Variants in HS3ST2 observed in about 807,000 individuals in gnomAD.
The protein encoded by HS3ST2 is heparan sulfate-glucosamine 3-sulfotransferase 2.
A neutral mutation model predicts 26.3 loss-of-function variants in HS3ST2; 17 were observed. The ratio of observed to expected loss-of-function variants is 0.65; its 90% CI spans 0.44 to 0.97. The LOEUF (loss-of-function observed/expected upper bound fraction) is 0.97, where lower values mean the gene tolerates loss of function less well. Among genes scored for constraint, HS3ST2 ranks in the 50% least tolerant of loss-of-function variants. The probability of loss-of-function intolerance (pLI) is 0.00; values close to 1 mark genes in which losing one functional copy is unlikely to be tolerated. For synonymous variants in HS3ST2, 237 were observed against 219.2 expected (o/e 1.08, Z -0.72); for missense variants, 402 against 501.2 (o/e 0.80, Z 1.89).
chr16:22,908,771 A>G (rs182410132), intron 1 of HS3ST2, among the ~76,000 whole-genome samples: 61 of 152,312 alleles, frequency 4.0e-4, no homozygotes, highest in Admixed American at 3.9e-3. Flanking sequence ...TGACCCAATC[A>G]CATCTTAAAG....
At chr16:22,827,259 G>A (rs751710547) in intron 1 of HS3ST2, among the ~76,000 whole-genome samples, 1 of 152,180 alleles carries the variant, frequency 6.6e-6, no homozygotes, top group African/African-American at 2.4e-5. Context: ...CACAAGGGAT[G>A]GGAAATAAAC....
intron 1 of HS3ST2, among the ~76,000 whole-genome samples, chr16:22,887,625 T>C (rs535089708): frequency 1.3e-5 from 2 of 152,204 alleles, no homozygotes; most frequent in East Asian, 1.9e-4. Flanking sequence ...GCAGACACGA[T>C]TGGTGCTTGG....
At chr16:22,841,980 A>G (rs1437054796) in intron 1 of HS3ST2, among the ~76,000 whole-genome samples, 2 of 151,468 alleles carry the variant, frequency 1.3e-5, no homozygotes, top group Non-Finnish European at 2.9e-5. Flanking sequence ...CTGAATCTAG[A>G]CAATCTGTCT....
At chr16:22,824,404 G>A (rs777572139) in intron 1 of HS3ST2, among the ~76,000 whole-genome samples, 4 of 151,960 alleles carry the variant, frequency 2.6e-5, no homozygotes, top group South Asian at 2.1e-4. Context: ...AAAATTAGCC[G>A]GGCGTGGTGG....
chr16:22,845,250 A>G (rs1285431631), intron 1 of HS3ST2, among the ~76,000 whole-genome samples: 2 of 148,344 alleles, frequency 1.3e-5, no homozygotes, highest in South Asian at 2.1e-4. Flanking sequence ...TTCATCCACT[A>G]AGGCTCTGTA....
chr16:22,817,117 A>G (rs1297724184), intron 1 of HS3ST2, among the ~76,000 whole-genome samples: 2 of 151,876 alleles, frequency 1.3e-5, no homozygotes, highest in Non-Finnish European at 2.9e-5. Context: ...TTTTTTATTT[A>G]TTTATTTTTT....
At chr16:22,837,566 CATAT>C (rs555444161) in intron 1 of HS3ST2, among the ~76,000 whole-genome samples, 5,861 of 133,978 alleles carry the variant, frequency 0.044, 407 homozygotes, top group African/African-American at 0.15. Context: ...TATATATATA[CATAT>C]ATATATATAC....
intron 1 of HS3ST2, among the ~76,000 whole-genome samples, chr16:22,892,100 C>G (rs570684521): frequency 1.2e-4 from 17 of 145,532 alleles, no homozygotes; most frequent in Non-Finnish European, 2.3e-4. Context: ...CGGTGAAACC[C>G]CATCTCTACT....
chr16:22,814,544 G>A lies in HS3ST2; in HGVS notation c.-67G>A. 3 of 1,433,542 alleles carry A rather than the reference G, an allele frequency of 2.1e-6. No individual in the cohort carries two copies. The highest frequency in any genetic ancestry group is 3.0e-5 in the African/African-American group (2 of 66,568). The allele number at this position is 1,433,542 out of a possible 1,614,324, so 88.8% of individuals were successfully genotyped here. A position where few individuals can be genotyped will look rare whatever the true frequency, so the allele number is the denominator to read the frequency against. ...ACGCGAGCCCTCTAGGCGACCGCAG[G>A]GCCACAGCAGCTCAGCCGCCGGTGC... is the stretch of plus-strand genomic sequence containing the variant. On this transcript the variant is annotated 5_prime_UTR_variant, in exon 1 of 2. Coordinates refer to ENST00000261374, the MANE Select transcript of HS3ST2 (RefSeq NM_006043.2).
chr16:22,851,938 C>T (rs538540556), intron 1 of HS3ST2, among the ~76,000 whole-genome samples: 2 of 152,266 alleles, frequency 1.3e-5, no homozygotes, highest in South Asian at 4.1e-4. Flanking sequence ...ATACCCTGAG[C>T]CATCTGGTTC....
At chr16:22,819,267 C>T (rs1900953255) in intron 1 of HS3ST2, among the ~76,000 whole-genome samples, 1 of 149,524 alleles carries the variant, frequency 6.7e-6, no homozygotes, top group African/African-American at 2.4e-5. Context: ...TGTCAGTCTG[C>T]TCACCTGTGA....
intron 1 of HS3ST2, among the ~76,000 whole-genome samples, chr16:22,873,251 T>C (rs1274731961): frequency 1.3e-5 from 2 of 152,300 alleles, no homozygotes; most frequent in Non-Finnish European, 1.5e-5. Context: ...CAGCACCACT[T>C]CTCTGAGCCT....
intron 1 of HS3ST2, among the ~76,000 whole-genome samples, chr16:22,884,042 T>A (rs1902027893): frequency 6.6e-6 from 1 of 152,176 alleles, no homozygotes; most frequent in South Asian, 2.1e-4. Flanking sequence ...TTTTCTGCAA[T>A]GGGCAAGTCA....
chr16:22,830,826 A>G (rs1444336377), intron 1 of HS3ST2, among the ~76,000 whole-genome samples: 2 of 152,240 alleles, frequency 1.3e-5, no homozygotes, highest in Admixed American at 6.5e-5. Context: ...ATATTTACAA[A>G]TAGTTCCATT....
At chr16:22,913,148 A>AAGGGAGGGAGGGAGGGAGGGAGGG (rs1187278304) in intron 1 of HS3ST2, among the ~76,000 whole-genome samples, 1 of 88,124 alleles carries the variant, frequency 1.1e-5, no homozygotes, top group African/African-American at 5.5e-5. Flanking sequence ...GGAAGGAAGG[A>AAGGGAGGGAGGGAGGGAGGGAGGG]AGGGAGGGAG....
chr16:22,913,835 T>C (rs1339597689), intron 1 of HS3ST2, among the ~76,000 whole-genome samples: 1 of 152,024 alleles, frequency 6.6e-6, no homozygotes, highest in African/African-American at 2.4e-5. Flanking sequence ...ACCCTATCTC[T>C]ACAAAAAATA....
Position 22,866,326 on chromosome 16 carries a change from C to T in HS3ST2, c.486-48618C>T, listed in dbSNP as rs574576996. Among the ~76,000 whole-genome samples the T allele has an allele frequency of 2.9e-3, 422 of 145,830 alleles. 1 individual carries two copies. The highest frequency in any genetic ancestry group is 0.011 in the African/African-American group (398 of 36,840). ...ATTCGCGCAAGCACGTGCGCGCGCG[C>T]GCACACACACACACACACTAACCAA... On this transcript the variant is annotated intron_variant, in intron 1 of 1. Coordinates refer to ENST00000261374, the MANE Select transcript of HS3ST2 (RefSeq NM_006043.2).
In HS3ST2 at chr16:22,836,995, G is replaced by A. The variant is rs185209889; in HGVS notation, c.485+21900G>A. Among the ~76,000 whole-genome samples, 302 of 152,186 alleles carry A rather than the reference G, an allele frequency of 2.0e-3. 5 individuals are homozygous for A. Among genetic ancestry groups the A allele is most frequent in the Non-Finnish European group, 1.1e-3 (72 of 68,018 alleles). On this transcript the variant is annotated intron_variant, in intron 1 of 1. Coordinates refer to ENST00000261374, the MANE Select transcript of HS3ST2 (RefSeq NM_006043.2). ...TTTTAAAAGCACCTCTGAAATCATG[G>A]ATCTGTTGTCTTAGGTCATCTATGT...
At chr16:22,891,706 A>T (rs1340468747) in intron 1 of HS3ST2, among the ~76,000 whole-genome samples, 1 of 152,240 alleles carries the variant, frequency 6.6e-6, no homozygotes, top group Non-Finnish European at 1.5e-5. Context: ...CTCGCAATAA[A>T]AAATGAGTTT....
Sources: gnomAD v4.1 joint callset for allele counts (sites outside exome capture counted in the v4.1 genomes callset) on GRCh38, gnomAD v4.1.1 for gene constraint, MANE v1.5 for transcripts, NCBI Gene and HGNC (gene_info 2026-07-23, HGNC 2026-07-21) for gene names.